The following RARB variants were observed in gnomAD, a reference collection of about 807,000 sequenced individuals.
RARB encodes HBV-activated protein.
RARB carries 17 observed loss-of-function variants against 51.9 expected under a neutral mutation model. The observed-to-expected ratio is 0.33, with a 90% confidence interval of 0.22 to 0.49. RARB has a LOEUF of 0.49. Among genes scored for constraint, RARB ranks in the 20% least tolerant of loss-of-function variants. RARB has a pLI of 0.99. For missense variants in RARB, 369 were observed against 550.8 expected (o/e 0.67, Z 3.30); for synonymous variants, 215 against 195.4 (o/e 1.10, Z -0.84).
chr3:25,495,048 A>G (rs1696954639), intron 2 of RARB, among the ~76,000 whole-genome samples: 1 of 152,212 alleles, frequency 6.6e-6, no homozygotes, highest in Admixed American at 6.5e-5. Flanking sequence ...TCATACAGAT[A>G]GTAAGTGGCC....
intron 7 of RARB, among the ~76,000 whole-genome samples, chr3:25,595,644 GT>G (rs1193377750): frequency 1.3e-5 from 2 of 152,176 alleles, no homozygotes; most frequent in Non-Finnish European, 2.9e-5. Context: ...AATCTGTACT[GT>G]CCAGTTCAGT....
At chr3:25,503,924 C>T (rs564958174) in intron 3 of RARB, among the ~76,000 whole-genome samples, 10 of 152,316 alleles carry the variant, frequency 6.6e-5, no homozygotes, top group Admixed American at 3.3e-4. Context: ...AAAGATGACA[C>T]GGTTCTCCCA....
chr3:25,174,533 G>A (rs1340375183), exon 5 of RARB: 1 of 1,352,116 alleles, frequency 7.4e-7, no homozygotes, highest in Non-Finnish European at 9.8e-7. Flanking sequence ...TGGCCTTCAT[G>A]GACATCCGCC....
intron 1 of RARB, among the ~76,000 whole-genome samples, chr3:24,855,650 A>G (rs945576697): frequency 6.6e-6 from 1 of 152,026 alleles, no homozygotes; most frequent in Non-Finnish European, 1.5e-5. Context: ...AATACATGTT[A>G]TATGGATTGT....
intron 2 of RARB, among the ~76,000 whole-genome samples, chr3:25,000,098 T>C (rs1249571906): frequency 6.6e-6 from 1 of 152,084 alleles, no homozygotes; most frequent in Non-Finnish European, 1.5e-5. Flanking sequence ...AGACAATTTC[T>C]AAAGGAAAAA....
In RARB at chr3:25,583,906, C is replaced by A. The variant is rs537275830; in HGVS notation, c.786+3184C>A. On this transcript the variant is annotated intron_variant, in intron 5 of 7. Coordinates refer to ENST00000330688, the MANE Select transcript of RARB (RefSeq NM_000965.5). ...TTCTTCACTCAAGAGTTGGTAGCAT[C>A]CTAGGGCTGTGTTCAGGCAAGTGAG... Among the ~76,000 whole-genome samples the A allele has an allele frequency of 3.3e-5, 5 of 152,274 alleles. No homozygotes were observed. In the South Asian group the frequency reaches 1.0e-3, roughly 32 times the overall value.
rs181731649 is a variant in RARB, at chr3:25,357,796, C to T, written c.179-103397C>T. Among the ~76,000 whole-genome samples the T allele has an allele frequency of 8.4e-4, 125 of 148,560 alleles. 1 individual carries two copies. Among genetic ancestry groups the T allele is most frequent in the African/African-American group, 2.6e-3 (105 of 41,050 alleles). ...CCTTTCCCCATTTCTTGTTTTTGTC[C>T]GGTCAAAGATCAGATGGTTGTAGAT... On this transcript the variant is annotated intron_variant, in intron 5 of 11. Coordinates refer to the RARB transcript ENST00000383772.
At chr3:25,206,180 A>G (rs1390226947) in intron 5 of RARB, among the ~76,000 whole-genome samples, 1 of 152,202 alleles carries the variant, frequency 6.6e-6, no homozygotes, top group Non-Finnish European at 1.5e-5. Flanking sequence ...TCTATTTTCC[A>G]GCTGTAATAA....
At chr3:25,340,951 C>T (rs1269436270) in intron 5 of RARB, among the ~76,000 whole-genome samples, 3 of 152,166 alleles carry the variant, frequency 2.0e-5, no homozygotes, top group African/African-American at 7.2e-5. Context: ...TCAGGATTAT[C>T]AATCAAATCT....
At chr3:25,381,605 T>A (rs895056094) in intron 5 of RARB, among the ~76,000 whole-genome samples, 1 of 152,216 alleles carries the variant, frequency 6.6e-6, no homozygotes, top group African/African-American at 2.4e-5. Context: ...GCATCACATT[T>A]AAGGAAACAG....
chr3:25,201,694 G>A (rs1475071970), intron 5 of RARB, among the ~76,000 whole-genome samples: 1 of 152,102 alleles, frequency 6.6e-6, no homozygotes, highest in Non-Finnish European at 1.5e-5. Context: ...ATAATCATGT[G>A]GTTTTTGTCG....
chr3:25,005,470 G>A (rs1697249904), intron 2 of RARB, among the ~76,000 whole-genome samples: 1 of 152,166 alleles, frequency 6.6e-6, no homozygotes, highest in Non-Finnish European at 1.5e-5. Flanking sequence ...GCAAGTTAGT[G>A]CTGATTGTAG....
chr3:25,065,767 A>G (rs923158624), intron 3 of RARB, among the ~76,000 whole-genome samples: 7 of 152,204 alleles, frequency 4.6e-5, no homozygotes, highest in African/African-American at 7.2e-5. Context: ...ACACACATGA[A>G]GAATGATGTC....
At chr3:25,371,887 G>C (rs978026865) in intron 5 of RARB, among the ~76,000 whole-genome samples, 1 of 152,218 alleles carries the variant, frequency 6.6e-6, no homozygotes, top group African/African-American at 2.4e-5. Context: ...AAAGTGTAGA[G>C]GAGTGTTGAG....
chr3:25,502,364 A>C (rs1385582661), intron 3 of RARB, among the ~76,000 whole-genome samples: 1 of 152,174 alleles, frequency 6.6e-6, no homozygotes, highest in African/African-American at 2.4e-5. Flanking sequence ...CTGATTGAAG[A>C]GGTAAAGCCC....
chr3:25,522,881 T>C (rs1461099838), intron 3 of RARB, among the ~76,000 whole-genome samples: 2 of 152,126 alleles, frequency 1.3e-5, no homozygotes, highest in African/African-American at 4.8e-5. Context: ...CCCAGGCTGG[T>C]TGGTCTCCAG....
intron 3 of RARB, among the ~76,000 whole-genome samples, chr3:25,511,645 T>C (rs146963715): frequency 9.9e-5 from 15 of 152,250 alleles, no homozygotes; most frequent in African/African-American, 3.1e-4. Context: ...TGGTTTTATA[T>C]GTTCTTGTAT....
At chr3:25,513,734 C>T (rs1435496201) in intron 3 of RARB, among the ~76,000 whole-genome samples, 1 of 150,570 alleles carries the variant, frequency 6.6e-6, no homozygotes, top group African/African-American at 2.5e-5. Context: ...TTTTGTATAC[C>T]ACTAAAAGGG....
At position 25,416,303 on chromosome 3, in the gene RARB, C is replaced by T. The variant is rs139269175; in HGVS notation, c.179-44890C>T. ...ACTTACGGGGTTGAGGCGGGAGGATCGCTTGAGCCTGTGAGATTGAGGCTG... is the reference window on the plus strand; with the variant it reads ...ACTTACGGGGTTGAGGCGGGAGGATTGCTTGAGCCTGTGAGATTGAGGCTG... On this transcript the variant is annotated intron_variant, in intron 5 of 11. Coordinates refer to the RARB transcript ENST00000383772. 3.3e-4 allele frequency among the ~76,000 whole-genome samples: 51 copies of T among 152,240 alleles called. 1 individual carries two copies. The highest frequency in any genetic ancestry group is 9.9e-4 in the African/African-American group (41 of 41,552).
Sources: allele counts gnomAD v4.1 joint callset (sites outside exome capture counted in the v4.1 genomes callset), GRCh38; gene constraint gnomAD v4.1.1; transcripts MANE v1.5; gene names NCBI Gene and HGNC (gene_info 2026-07-23, HGNC 2026-07-21).